RAB10: variants seen among roughly 807,000 people sequenced by gnomAD.
The protein encoded by RAB10 is ras-related protein Rab-10.
RAB10 carries 5 observed loss-of-function variants against 25.7 expected under a neutral mutation model. That is an observed-to-expected ratio of 0.19 (90% confidence interval 0.10 to 0.41). The LOEUF is 0.41. Ranked by LOEUF, RAB10 falls within the 10% of genes least tolerant of loss-of-function variation. RAB10 has a pLI of 1.00. For missense variants in RAB10, 103 were observed against 245.8 expected (o/e 0.42, Z 3.89); for synonymous variants, 89 against 86.4 (o/e 1.03, Z -0.16).
intron 1 of RAB10, among the ~76,000 whole-genome samples, chr2:26,086,880 ATGT>A (rs926721188): frequency 1.2e-4 from 18 of 152,226 alleles, no homozygotes; most frequent in African/African-American, 3.9e-4. Flanking sequence ...AAAAGCTAAC[ATGT>A]TGTTTGCTTC....
intron 1 of RAB10, among the ~76,000 whole-genome samples, chr2:26,042,977 T>C (rs940523639): frequency 2.6e-5 from 4 of 152,098 alleles, no homozygotes; most frequent in African/African-American, 9.7e-5. Context: ...GATGAGGTTG[T>C]AGAGAAATTG....
At chr2:26,041,747 A>G in intron 1 of RAB10, among the ~76,000 whole-genome samples, 1 of 151,626 alleles carries the variant, frequency 6.6e-6, no homozygotes, top group Non-Finnish European at 1.5e-5. Context: ...TCTACCAAAA[A>G]TACAAAATTA....
chr2:26,068,371 T>G (rs1413892900), intron 1 of RAB10, among the ~76,000 whole-genome samples: 2 of 152,176 alleles, frequency 1.3e-5, no homozygotes, highest in Non-Finnish European at 2.9e-5. Context: ...ATGGTTAGAT[T>G]CAATTTTTAA....
intron 1 of RAB10, among the ~76,000 whole-genome samples, chr2:26,056,608 T>A (rs1040771767): frequency 3.3e-5 from 5 of 152,204 alleles, no homozygotes; most frequent in Admixed American, 2.6e-4. Flanking sequence ...ATAAACAAGA[T>A]GTATTTTAAT....
chr2:26,084,246 G>A (rs1007234301), intron 1 of RAB10, among the ~76,000 whole-genome samples: 1 of 152,116 alleles, frequency 6.6e-6, no homozygotes, highest in Non-Finnish European at 1.5e-5. Context: ...TCCTGTTCTT[G>A]TTCATAGGAT....
intron 1 of RAB10, among the ~76,000 whole-genome samples, chr2:26,035,473 T>C (rs1045203115): frequency 2.6e-5 from 4 of 152,338 alleles, no homozygotes; most frequent in East Asian, 1.9e-4. Flanking sequence ...TATGGACTTA[T>C]AATGCACTTT....
intron 2 of RAB10, among the ~76,000 whole-genome samples, chr2:26,102,435 C>CTTTTTTT (rs1667361154): frequency 1.5e-5 from 2 of 134,484 alleles, no homozygotes; most frequent in Admixed American, 7.2e-5. Context: ...TTTCTTTTTT[C>CTTTTTTT]TTTCTTTTTT....
At chr2:26,112,879 G>A (rs10193735) in intron 3 of RAB10, among the ~76,000 whole-genome samples, 66,417 of 151,924 alleles carry the variant, frequency 0.44, 16,030 homozygotes, top group Non-Finnish European at 0.56. Context: ...TCAGGAGTTT[G>A]AAACCAGTCT....
intron 2 of RAB10, among the ~76,000 whole-genome samples, chr2:26,107,969 T>C (rs1222320191): frequency 2.0e-5 from 3 of 152,184 alleles, no homozygotes; most frequent in African/African-American, 7.2e-5. Context: ...AATATTACTA[T>C]GTGCCCTCTT....
In RAB10 at chr2:26,052,227, AAAAAG is replaced by A. The variant is rs200114286; in HGVS notation, c.127+17498_127+17502del. On this transcript the variant is annotated intron_variant, in intron 1 of 5. Transcript: ENST00000264710. The stretch of plus-strand genomic sequence containing the variant: ...ACCCCCGTCTCTACAAAAAATTTAA[AAAAAG>A]AAAAGTAACTGATCATGGTGGTTCA... Among the ~76,000 whole-genome samples, 524 of 152,068 alleles carry A rather than the reference AAAAAG, an allele frequency of 3.4e-3. 4 individuals carry two copies. The highest frequency in any genetic ancestry group is 8.7e-3 in the African/African-American group (363 of 41,494).
At chr2:26,069,170 C>T (rs1173807387) in intron 1 of RAB10, among the ~76,000 whole-genome samples, 10 of 152,106 alleles carry the variant, frequency 6.6e-5, no homozygotes, top group Admixed American at 3.9e-4. Flanking sequence ...GTTTTCATTT[C>T]TGCAGTAGAA....
At chr2:26,125,703 C>T (rs1574563654) in intron 3 of RAB10, among the ~76,000 whole-genome samples, 1 of 152,060 alleles carries the variant, frequency 6.6e-6, no homozygotes, top group East Asian at 1.9e-4. Context: ...TCCTGACAGC[C>T]TCCCAAAGTG....
intron 2 of RAB10, among the ~76,000 whole-genome samples, chr2:26,104,495 C>T (rs1448846134): frequency 6.6e-6 from 1 of 152,182 alleles, no homozygotes; most frequent in Non-Finnish European, 1.5e-5. Flanking sequence ...ATATCAGATA[C>T]ACAAGTTTGC....
At chr2:26,117,637 A>AAAAAAAAAAAC (rs1559597816) in intron 3 of RAB10, among the ~76,000 whole-genome samples, 1 of 138,136 alleles carries the variant, frequency 7.2e-6, no homozygotes, top group South Asian at 2.3e-4. Flanking sequence ...AAAAAAAAAC[A>AAAAAAAAAAAC]AAAAAAACAA....
chr2:26,055,026 CTTTT>C (rs11286148), intron 1 of RAB10, among the ~76,000 whole-genome samples: 1 of 149,810 alleles, frequency 6.7e-6, no homozygotes, highest in Non-Finnish European at 1.5e-5. Flanking sequence ...TGAGCATAGT[CTTTT>C]TTTTTTACAA....
chr2:26,113,850 A>G (rs975163015), intron 3 of RAB10, among the ~76,000 whole-genome samples: 1 of 152,080 alleles, frequency 6.6e-6, no homozygotes, highest in Non-Finnish European at 1.5e-5. Context: ...ACCCACAAAC[A>G]TATACCCAGA....
At chr2:26,128,118 A>G (rs757312518) in intron 5 of RAB10, among the ~76,000 whole-genome samples, 167 bp downstream of exon 5, 1 of 152,164 alleles carries the variant, frequency 6.6e-6, no homozygotes, top group Non-Finnish European at 1.5e-5. Context: ...TTCATGGAAG[A>G]TAATTTTTCC....
At chr2:26,094,799 T>TA (rs1285308827) in intron 1 of RAB10, among the ~76,000 whole-genome samples, 1 of 151,812 alleles carries the variant, frequency 6.6e-6, no homozygotes, top group Non-Finnish European at 1.5e-5. Context: ...CTTAAAGTGA[T>TA]ACCCCCGCCT....
intron 1 of RAB10, among the ~76,000 whole-genome samples, chr2:26,095,382 C>T (rs1232110046): frequency 6.6e-6 from 1 of 151,938 alleles, no homozygotes; most frequent in Non-Finnish European, 1.5e-5. Context: ...CCAAGGTGGG[C>T]GGATCACGAG....
Sources: allele counts gnomAD v4.1 joint callset (sites outside exome capture counted in the v4.1 genomes callset), GRCh38; gene constraint gnomAD v4.1.1; transcripts MANE v1.5; gene names NCBI Gene and HGNC (gene_info 2026-07-23, HGNC 2026-07-21).